RPP21: variants seen among roughly 807,000 people sequenced by gnomAD.
RPP21 encodes the protein ribonuclease P subunit p21.
RPP21 carries 21 observed loss-of-function variants against 19.0 expected under a neutral mutation model. The ratio of observed to expected loss-of-function variants is 1.11; its 90% confidence interval spans 0.78 to 1.59. The LOEUF (loss-of-function observed/expected upper bound fraction) is 1.59, where lower values mean the gene tolerates loss of function less well. Ranked by LOEUF, RPP21 falls within the 40% of genes most tolerant of loss-of-function variation. The probability of loss-of-function intolerance (pLI) is 0.00; values close to 1 mark genes in which losing one functional copy is unlikely to be tolerated. For missense variants in RPP21, 215 were observed against 200.2 expected (o/e 1.07, Z -0.45); for synonymous variants, 93 against 78.7 (o/e 1.18, Z -0.96).
In RPP21 at chr6:30,346,793, G is replaced by A. The variant is rs1021706119; in HGVS notation, c.448G>A (p.Gly150Ser). 1.2e-6 allele frequency: 2 copies of A among 1,612,962 alleles called. No individual in the cohort carries two copies. Among genetic ancestry groups the A allele is most frequent in the Non-Finnish European group, 1.7e-6 (2 of 1,180,022 alleles). Reference sequence around the variant, plus strand: ...TCCTGAGGAGAAAATGCAGACTCAGGGTTCCAGTAACCAGTGATGGATTCA... The same window carrying A: ...TCCTGAGGAGAAAATGCAGACTCAGAGTTCCAGTAACCAGTGATGGATTCA... ...RLPEEKMQTQ[G>S]SSNQ The change falls in exon 5 of 5, where the codon GGT (glycine) becomes AGT (serine). Residue 150 changes from glycine (G) to serine (S), a missense_variant. By Grantham distance (56) the Gly-to-Ser change is moderately conservative. Coordinates refer to ENST00000442966, the MANE Select transcript of RPP21 (RefSeq NM_024839.4). The surrounding 1 kb of genome is among the most constrained non-coding windows in gnomAD (Gnocchi z 4.7).
intron 1 of RPP21, 35 bp downstream of exon 1, chr6:30,345,263 C>T (rs1372254306): frequency 1.9e-6 from 3 of 1,613,234 alleles, no homozygotes; most frequent in East Asian, 2.2e-5. Context: ...GGGGACGGTG[C>T]TCGGCGTCCC....
Position 30,346,135 on chromosome 6 carries a change from G to A in RPP21, c.242-297G>A, listed in dbSNP as rs1788132343. On this transcript the variant is annotated intron_variant, in intron 3 of 4. Coordinates refer to ENST00000442966, the MANE Select transcript of RPP21 (RefSeq NM_024839.4). This position sits in a 1 kb window ranked among gnomAD's most constrained non-coding sequence, Gnocchi z 4.7. ...ACTCTGAGACAAGAGAGCTTGTGGT[G>A]CTGTCAAAGAAATGAGAGTTCAGGA... The A allele has an allele frequency of 2.2e-5, 8 of 358,740 alleles. No homozygotes were observed. In the East Asian group the frequency reaches 4.2e-4, roughly 19 times the overall value. 22.2% of individuals were successfully genotyped at this position (358,740 alleles called of 1,614,324 possible).
intron 3 of RPP21, 199 bp downstream of exon 3, chr6:30,345,772 C>CT (rs202228880): frequency 0.019 from 9,624 of 511,020 alleles, 12 homozygotes; most frequent in East Asian, 0.077. Flanking sequence ...TTGGGCTCGG[C>CT]TGTTTTTTTT....
rs1197666144 is a variant in RPP21 at position 30,346,448 on chromosome 6, C to G, written c.258C>G (p.Arg86=). Residue 86 remains arginine, a synonymous_variant, in exon 4 of 5, where the codon CGC becomes CGG. Coordinates refer to ENST00000442966, the MANE Select transcript of RPP21 (RefSeq NM_024839.4). This position sits in a 1 kb window ranked among gnomAD's most constrained non-coding sequence, Gnocchi z 4.7. The part of the protein sequence containing the change: ...TQRQRRCRGQ[R]WTVQTCLTCQ... ...TCACCCTAGGCTGCAGGGGACAGCGCTGGACCGTACAGACCTGCCTAACAT... is the reference window on the plus strand; with the variant it reads ...TCACCCTAGGCTGCAGGGGACAGCGGTGGACCGTACAGACCTGCCTAACAT... 1 of 1,614,140 alleles carries G rather than the reference C, an allele frequency of 6.2e-7. No homozygotes were observed. The highest frequency in any genetic ancestry group is 8.5e-7 in the Non-Finnish European group (1 of 1,180,012).
Position 30,345,554 on chromosome 6 carries a change from C to G in RPP21, c.222C>G (p.Thr74=), listed in dbSNP as rs777190478. ...GCSSLLVPGL[T]CTQRQRRCRG... is the part of the protein sequence containing the mutation. ...CTTCCCTCCTCGTCCCGGGCCTCAC[C>G]TGCACCCAGCGCCAGAGACGTGAGT... is the stretch of plus-strand genomic sequence containing the variant. The change falls in exon 3 of 5, where the codon ACC becomes ACG. Residue 74 remains threonine, a synonymous_variant. Transcript: ENST00000442966. The G allele has an allele frequency of 6.3e-7, 1 of 1,576,466 alleles. No homozygotes were observed. The highest frequency in any genetic ancestry group is 1.1e-5 in the South Asian group (1 of 87,032).
chr6:30,346,819 C>T lies in RPP21; in HGVS notation c.*9C>T. On this transcript the variant is annotated 3_prime_UTR_variant, in exon 5 of 5. Transcript: ENST00000442966. This position sits in a 1 kb window ranked among gnomAD's most constrained non-coding sequence, Gnocchi z 4.7. Reference sequence around the variant, plus strand: ...GTTCCAGTAACCAGTGATGGATTCACCCCATCTCCCAAATAAAGTTTACTT... The same window carrying T: ...GTTCCAGTAACCAGTGATGGATTCATCCCATCTCCCAAATAAAGTTTACTT... 2 of 1,612,852 alleles carry T rather than the reference C, an allele frequency of 1.2e-6. No homozygotes were observed. The highest frequency in any genetic ancestry group is 1.7e-6 in the Non-Finnish European group (2 of 1,179,798).
chr6:30,345,509 G>A lies in RPP21; in HGVS notation c.177G>A (p.Arg59=), dbSNP rs548366518. The change falls in exon 3 of 5, where the codon AGG becomes AGA. Residue 59 remains arginine (R), a synonymous_variant. Transcript: ENST00000442966. ...LVLRRDPSVK[R]TLCRGCSSLL... The stretch of plus-strand genomic sequence containing the variant: ...CCCCCAGGGATCCCTCGGTGAAGAG[G>A]ACTCTCTGTCGAGGCTGCTCTTCCC... 1.1e-5 allele frequency: 18 copies of A among 1,603,974 alleles called. No homozygotes were observed. In the African/African-American group the frequency reaches 2.4e-4, roughly 21 times the overall value.
chr6:30,345,825 G>A, intron 3 of RPP21: 1 of 498,186 alleles, frequency 2.0e-6, no homozygotes, highest in Admixed American at 3.9e-5. Flanking sequence ...CTTTTAAGAG[G>A]CAACCCCACC....
chr6:30,345,234 TC>T lies in RPP21; in HGVS notation c.57+7del. 2 of 1,608,434 alleles carry T rather than the reference TC, an allele frequency of 1.2e-6. No individual in the cohort carries two copies. Among genetic ancestry groups the T allele is most frequent in the Non-Finnish European group, 1.7e-6 (2 of 1,177,874 alleles). ...GGCTCAACTTCCTGTACCAGGTGAG[TC>T]TGCGACAAGGGCCCCACGGGGACGG... On this transcript the variant is annotated splice_region_variant and intron_variant, in intron 1 of 4. Coordinates refer to ENST00000442966, the MANE Select transcript of RPP21 (RefSeq NM_024839.4).
chr6:30,346,301 T>C lies in RPP21; in HGVS notation c.242-131T>C. On this transcript the variant is annotated intron_variant, in intron 3 of 4. Transcript: ENST00000442966. This position sits in a 1 kb window ranked among gnomAD's most constrained non-coding sequence, Gnocchi z 4.7. ...GAGCTTATGCCGAGGCCTGACACCA[T>C]CAAATGTGCATTCAAATTGGGGGTG... is the stretch of plus-strand genomic sequence containing the variant. 2 of 1,477,740 alleles carry C rather than the reference T, an allele frequency of 1.4e-6. No homozygotes were observed. The highest frequency in any genetic ancestry group is 1.8e-6 in the Non-Finnish European group (2 of 1,093,312). The allele number at this position is 1,477,740 out of a possible 1,614,324, so 91.5% of individuals were successfully genotyped here. A position where few individuals can be genotyped will look rare whatever the true frequency, so the allele number is the denominator to read the frequency against.
In RPP21 at chr6:30,345,199, G is replaced by A; in HGVS notation, c.28G>A (p.Ala10Thr). The change falls in exon 1 of 5, where the codon GCC becomes ACC. Residue 10 changes from alanine to threonine, a missense_variant. Transcript: ENST00000442966. MAGPVKDRE[A>T]FQRLNFLYQA... ...GGCGGGGCCGGTGAAGGACCGCGAG[G>A]CCTTCCAGAGGCTCAACTTCCTGTA... is the stretch of plus-strand genomic sequence containing the variant. 1 of 1,582,564 alleles carries A rather than the reference G, an allele frequency of 6.3e-7. No homozygotes were observed. The highest frequency in any genetic ancestry group is 8.6e-7 in the Non-Finnish European group (1 of 1,164,526).
chr6:30,345,560 C>G lies in RPP21; in HGVS notation c.228C>G (p.Thr76=). Residue 76 remains threonine (T), a synonymous_variant, in exon 3 of 5, where the codon ACC becomes ACG. Coordinates refer to ENST00000442966, the MANE Select transcript of RPP21 (RefSeq NM_024839.4). ...SSLLVPGLTC[T]QRQRRCRGQR... Reference sequence around the variant, plus strand: ...TCCTCGTCCCGGGCCTCACCTGCACCCAGCGCCAGAGACGTGAGTGCTCCA... The same window carrying G: ...TCCTCGTCCCGGGCCTCACCTGCACGCAGCGCCAGAGACGTGAGTGCTCCA... 4 of 1,574,852 alleles carry G rather than the reference C, an allele frequency of 2.5e-6. No individual in the cohort carries two copies. Among genetic ancestry groups the G allele is most frequent in the Non-Finnish European group, 3.5e-6 (4 of 1,159,252 alleles).
chr6:30,346,272 G>C lies in RPP21; in HGVS notation c.242-160G>C, dbSNP rs149436876. 2 of 1,242,128 alleles carry C rather than the reference G, an allele frequency of 1.6e-6. No individual in the cohort carries two copies. Among genetic ancestry groups the C allele is most frequent in the South Asian group, 3.3e-5 (2 of 59,816 alleles). 76.9% of individuals were successfully genotyped at this position (1,242,128 alleles called of 1,614,324 possible). Reference sequence around the variant, plus strand: ...TTATCTTAAAGAGTTCCAGGAAATCGATGGAGCTTATGCCGAGGCCTGACA... The same window carrying C: ...TTATCTTAAAGAGTTCCAGGAAATCCATGGAGCTTATGCCGAGGCCTGACA... On this transcript the variant is annotated intron_variant, in intron 3 of 4. Transcript: ENST00000442966. This position sits in a 1 kb window ranked among gnomAD's most constrained non-coding sequence, Gnocchi z 4.7.
intron 2 of RPP21, 39 bp downstream of exon 2, chr6:30,345,437 G>A (rs761542101): frequency 6.2e-7 from 1 of 1,611,460 alleles, no homozygotes; most frequent in South Asian, 1.1e-5. Flanking sequence ...CGGGACGCGG[G>A]AGGAACGCGA....
rs757821503 is a variant in RPP21, at chr6:30,345,196, G to C, written c.25G>C (p.Glu9Gln). ...GATGGCGGGGCCGGTGAAGGACCGC[G>C]AGGCCTTCCAGAGGCTCAACTTCCT... MAGPVKDR[E>Q]AFQRLNFLYQ... is the part of the protein sequence containing the mutation. The change falls in exon 1 of 5, where the codon GAG becomes CAG. Residue 9 changes from glutamate (E) to glutamine (Q), a missense_variant. By Grantham distance (29) the Glu-to-Gln change is conservative (BLOSUM62 2). Coordinates refer to ENST00000442966, the MANE Select transcript of RPP21 (RefSeq NM_024839.4). The C allele has an allele frequency of 6.3e-7, 1 of 1,578,780 alleles. No homozygotes were observed. The highest frequency in any genetic ancestry group is 8.6e-7 in the Non-Finnish European group (1 of 1,162,732).
Position 30,345,160 on chromosome 6 carries a change from A to G in RPP21, c.-12A>G. The G allele has an allele frequency of 6.4e-7, 1 of 1,555,886 alleles. No homozygotes were observed. The highest frequency in any genetic ancestry group is 8.7e-7 in the Non-Finnish European group (1 of 1,153,620). ...GGGGTGGGGCTGCGGGAGGCCCTGGAGCGCGGCGGTGATGGCGGGGCCGGT... is the reference window on the plus strand; with the variant it reads ...GGGGTGGGGCTGCGGGAGGCCCTGGGGCGCGGCGGTGATGGCGGGGCCGGT... On this transcript the variant is annotated 5_prime_UTR_variant, in exon 1 of 5. Coordinates refer to ENST00000442966, the MANE Select transcript of RPP21 (RefSeq NM_024839.4).
chr6:30,345,503 G>A lies in RPP21; in HGVS notation c.171G>A (p.Val57=), dbSNP rs1349795075. 6 of 1,605,600 alleles carry A rather than the reference G, an allele frequency of 3.7e-6. No individual in the cohort carries two copies. The highest frequency in any genetic ancestry group is 5.1e-6 in the Non-Finnish European group (6 of 1,176,022). Residue 57 remains valine (V), a synonymous_variant, in exon 3 of 5, where the codon GTG becomes GTA. Coordinates refer to ENST00000442966, the MANE Select transcript of RPP21 (RefSeq NM_024839.4). ...KRLVLRRDPS[V]KRTLCRGCSS... ...CCTCCGCCCCCAGGGATCCCTCGGT[G>A]AAGAGGACTCTCTGTCGAGGCTGCT...
rs1049368483 is a variant in RPP21, at chr6:30,345,718, C to T, written c.241+145C>T. On this transcript the variant is annotated intron_variant, in intron 3 of 4. Coordinates refer to ENST00000442966, the MANE Select transcript of RPP21 (RefSeq NM_024839.4). Reference sequence around the variant, plus strand: ...GGGATTCGCAGGAGTCTTCCTTCTTCGGGTTTGGATTAAGTTCCTAACGCC... The same window carrying T: ...GGGATTCGCAGGAGTCTTCCTTCTTTGGGTTTGGATTAAGTTCCTAACGCC... The T allele has an allele frequency of 3.2e-5, 32 of 1,013,774 alleles. No individual in the cohort carries two copies. The African/African-American group carries it at 3.3e-4, about 11-fold the overall frequency. 62.8% of individuals were successfully genotyped at this position (1,013,774 alleles called of 1,614,324 possible).
At position 30,346,640 on chromosome 6, in the gene RPP21, G is replaced by T. The variant is rs1385076590; in HGVS notation, c.368-73G>T. The T allele has an allele frequency of 5.6e-6, 9 of 1,613,806 alleles. No homozygotes were observed. The highest frequency in any genetic ancestry group is 7.6e-6 in the Non-Finnish European group (9 of 1,179,828). ...TAGAGTGAAGAGGACACATGGACAGGTTCTGGGTTGGTGTGAGAAGTACCA... is the reference window on the plus strand; with the variant it reads ...TAGAGTGAAGAGGACACATGGACAGTTTCTGGGTTGGTGTGAGAAGTACCA... On this transcript the variant is annotated intron_variant, in intron 4 of 4. Transcript: ENST00000442966. This position sits in a 1 kb window ranked among gnomAD's most constrained non-coding sequence, Gnocchi z 4.7.
Sources: gnomAD v4.1 joint callset for allele counts on GRCh38, gnomAD v4.1.1 for gene constraint, Gnocchi (gnomAD v3.1) non-coding constraint, MANE v1.5 for transcripts, NCBI Gene and HGNC (gene_info 2026-07-23, HGNC 2026-07-21) for gene names.